The following PLCZ1 variants were observed in gnomAD, a reference collection of about 807,000 sequenced individuals.
The protein encoded by PLCZ1 is phospholipase C zeta 1, also known as 1-phosphatidylinositol 4,5-bisphosphate phosphodiesterase zeta-1.
PLCZ1 carries 64 observed loss-of-function variants against 76.8 expected under a neutral mutation model. The observed-to-expected ratio is 0.83, with a 90% confidence interval of 0.68 to 1.03. The LOEUF (loss-of-function observed/expected upper bound fraction) is 1.03. PLCZ1 is among the 50% of genes least tolerant of loss of function. The pLI is 0.00. For missense variants in PLCZ1, 751 were observed against 713.7 expected (o/e 1.05, Z -0.60); for synonymous variants, 248 against 230.8 (o/e 1.07, Z -0.68).
the PLCZ1 span, among the ~76,000 whole-genome samples, chr12:18,659,496 A>C: frequency 3.2e-4 from 49 of 152,094 alleles, 1 homozygote; most frequent in Admixed American, 3.2e-3. Context: ...ACCATGATCA[A>C]AATCAGGAAA....
intron 13 of PLCZ1, among the ~76,000 whole-genome samples, chr12:18,687,548 A>G (rs180735799): frequency 1.3e-5 from 2 of 152,274 alleles, no homozygotes; most frequent in Admixed American, 1.3e-4. Flanking sequence ...TGCCAGAATG[A>G]TGAAAATCTT....
At chr12:18,651,794 G>A in the PLCZ1 span, among the ~76,000 whole-genome samples, 7 of 152,254 alleles carry the variant, frequency 4.6e-5, no homozygotes, top group African/African-American at 7.2e-5. Context: ...TATGAATGTC[G>A]CTGGAATGTG....
intron 10 of PLCZ1, among the ~76,000 whole-genome samples, chr12:18,697,791 T>C (rs1424904443): frequency 2.5e-5 from 3 of 122,302 alleles, no homozygotes; most frequent in African/African-American, 1.1e-4. Context: ...ATAATATTCA[T>C]CTACAACATT....
chr12:18,726,839 T>C (rs10505831), intron 3 of PLCZ1, among the ~76,000 whole-genome samples: 8,950 of 152,208 alleles, frequency 0.059, 293 homozygotes, highest in African/African-American at 0.076. Flanking sequence ...ATGATATGAC[T>C]TGCCACTTTC....
intron 13 of PLCZ1, among the ~76,000 whole-genome samples, chr12:18,685,846 GCACACACA>G (rs3055342): frequency 9.2e-6 from 1 of 109,252 alleles, no homozygotes; most frequent in African/African-American, 3.5e-5. Context: ...ACACACACGC[GCACACACA>G]CACACACACA....
the PLCZ1 span, among the ~76,000 whole-genome samples, chr12:18,648,585 G>T: frequency 6.6e-6 from 1 of 152,064 alleles, no homozygotes; most frequent in Non-Finnish European, 1.5e-5. Flanking sequence ...ATTGTTGGAA[G>T]AAACTTCTTT....
In PLCZ1 at chr12:18,723,348, A is replaced by G. The variant is rs1009015246; in HGVS notation, c.330T>C (p.Ala110=). 1 of 1,612,690 alleles carries G rather than the reference A, an allele frequency of 6.2e-7. No individual in the cohort carries two copies. The highest frequency in any genetic ancestry group is 8.5e-7 in the Non-Finnish European group (1 of 1,179,326). ...QYAAEMSKAI[A]FEIIQKYEPI... is the part of the protein sequence containing the mutation. ...GCTCGTATTTCTGAATGATCTCAAA[A>G]GCAATAGCTTTACTCATCTCAGCTG... The change falls in exon 4 of 15, where the codon GCT becomes GCC. Residue 110 remains alanine (A), a synonymous_variant. Coordinates refer to ENST00000266505, the MANE Select transcript of PLCZ1 (RefSeq NM_033123.4).
chr12:18,688,003 T>C, intron 13 of PLCZ1, 86 bp downstream of exon 13: 2 of 1,536,666 alleles, frequency 1.3e-6, no homozygotes, highest in Non-Finnish European at 1.8e-6. Flanking sequence ...ATAATAAATA[T>C]GTACAAAAAC....
At chr12:18,692,838 A>G in intron 12 of PLCZ1, 1 of 1,584,976 alleles carries the variant, frequency 6.3e-7, no homozygotes, top group Non-Finnish European at 8.6e-7. Flanking sequence ...ACTCAAGGAC[A>G]AGAAAAAGAA....
intron 10 of PLCZ1, among the ~76,000 whole-genome samples, chr12:18,697,215 C>G (rs989408905): frequency 6.6e-6 from 1 of 152,056 alleles, no homozygotes; most frequent in African/African-American, 2.4e-5. Flanking sequence ...GCTAAACCAA[C>G]TAGAATAGAA....
the PLCZ1 span, among the ~76,000 whole-genome samples, chr12:18,674,453 A>G: frequency 1.3e-5 from 2 of 152,214 alleles, no homozygotes; most frequent in African/African-American, 4.8e-5. Flanking sequence ...TATGCCTGGC[A>G]CGTGATATTT....
At chr12:18,729,352 A>AAAGCCAAAC in intron 3 of PLCZ1, among the ~76,000 whole-genome samples, 1 of 152,218 alleles carries the variant, frequency 6.6e-6, no homozygotes, top group African/African-American at 2.4e-5. Flanking sequence ...CCCAAACTAA[A>AAAGCCAAAC]TAGAGTCTCT....
chr12:18,709,161 G>GT (rs566526704), intron 6 of PLCZ1, among the ~76,000 whole-genome samples: 13 of 152,176 alleles, frequency 8.5e-5, no homozygotes, highest in Non-Finnish European at 1.5e-4. Flanking sequence ...TTATATGTAA[G>GT]TTTTTTATCC....
Position 18,693,103 on chromosome 12 carries a change from T to C in PLCZ1, c.1461+1807A>G, listed in dbSNP as rs1374702177. The stretch of plus-strand genomic sequence containing the variant: ...GATCTGAGGGGGACCCCAATGTCAG[T>C]AGGAATCTTGGAAGAGATCATTGAT... On this transcript the variant is annotated intron_variant, in intron 12 of 14. Transcript: ENST00000266505. 7.9e-6 allele frequency: 12 copies of C among 1,526,920 alleles called. 1 individual carries two copies. The highest frequency in any genetic ancestry group is 9.1e-6 in the Non-Finnish European group (10 of 1,103,298). 94.6% of individuals were successfully genotyped at this position (1,526,920 alleles called of 1,614,324 possible).
At chr12:18,714,859 A>T (rs367673504) in intron 5 of PLCZ1, 29 of 152,158 alleles carry the variant, frequency 1.9e-4, no homozygotes, top group African/African-American at 6.3e-4. Flanking sequence ...TATCTGACTT[A>T]AAAAATGAAA....
At chr12:18,675,727 A>G in the PLCZ1 span, among the ~76,000 whole-genome samples, 1 of 152,148 alleles carries the variant, frequency 6.6e-6, no homozygotes, top group Non-Finnish European at 1.5e-5. Context: ...TTGCAGCAAC[A>G]TGGATGGAGC....
chr12:18,727,703 T>A (rs11044269), intron 3 of PLCZ1, among the ~76,000 whole-genome samples: 34,062 of 151,966 alleles, frequency 0.22, 3,996 homozygotes, highest in East Asian at 0.31. Flanking sequence ...GAATAAAGAG[T>A]TATTGATCAG....
At chr12:18,665,613 T>C in the PLCZ1 span, among the ~76,000 whole-genome samples, 1 of 151,978 alleles carries the variant, frequency 6.6e-6, no homozygotes, top group Non-Finnish European at 1.5e-5. Flanking sequence ...ACCAACATAG[T>C]GAAACCCTGT....
intron 3 of PLCZ1, chr12:18,735,990 A>T (rs1959217365): frequency 4.9e-6 from 2 of 408,290 alleles, no homozygotes; most frequent in African/African-American, 4.1e-5. Context: ...GTTTAATGTT[A>T]GCATTTCTGT....
Sources: allele counts gnomAD v4.1 joint callset (sites outside exome capture counted in the v4.1 genomes callset), GRCh38; gene constraint gnomAD v4.1.1; transcripts MANE v1.5; gene names NCBI Gene and HGNC (gene_info 2026-07-23, HGNC 2026-07-21).